The following ZNF705A variants were observed in gnomAD, a reference collection of about 807,000 sequenced individuals.
ZNF705A encodes zinc finger protein 705A.
ZNF705A carries 8 observed loss-of-function variants against 16.6 expected under a neutral mutation model. That is an observed-to-expected ratio of 0.48 (90% CI 0.28 to 0.87). The LOEUF is 0.87. Among genes scored for constraint, ZNF705A ranks in the 40% least tolerant of loss-of-function variants. The probability of loss-of-function intolerance (pLI) is 0.10; values close to 1 mark genes in which losing one functional copy is unlikely to be tolerated. For missense variants in ZNF705A, 233 were observed against 359.9 expected, an observed-to-expected ratio of 0.65 and a Z score of 2.85; for synonymous variants, 73 against 117.3, an observed-to-expected ratio of 0.62 and a Z score of 2.44.
At chr12:8,167,993 G>A (rs1333655708), upstream of ZNF705A, among the ~76,000 whole-genome samples, 2 of 152,190 alleles carry the variant, frequency 1.3e-5, no homozygotes, top group Non-Finnish European at 2.9e-5. Context: ...TTCCTTTAGG[G>A]AGAGTTTCCG....
At chr12:8,179,611 A>G (rs1948515771) in exon 5 of ZNF705A, 1 of 152,218 alleles carries the variant, frequency 6.6e-6, no homozygotes, top group South Asian at 2.1e-4. Flanking sequence ...TGACAAATCA[A>G]TATATTAAAA....
intron 4 of ZNF705A, among the ~76,000 whole-genome samples, chr12:8,176,741 C>T (rs1226882710): frequency 6.6e-6 from 1 of 152,052 alleles, no homozygotes; most frequent in African/African-American, 2.4e-5. Flanking sequence ...AGGCGTGTAG[C>T]TTTTCATCTT....
At chr12:8,166,548 C>G (rs780745166) in intron 1 of ZNF705A, among the ~76,000 whole-genome samples, 5 of 152,278 alleles carry the variant, frequency 3.3e-5, no homozygotes, top group Middle Eastern at 3.4e-3. Context: ...GTAAGACATG[C>G]CTTTTGCCTT....
At chr12:8,172,211 T>C (rs1005164344), upstream of ZNF705A, among the ~76,000 whole-genome samples, 1 of 151,680 alleles carries the variant, frequency 6.6e-6, no homozygotes, top group Non-Finnish European at 1.5e-5. Context: ...TGTTTATCTA[T>C]AGGTGGAAAT....
exon 5 of ZNF705A, chr12:8,177,469 A>G (rs769148361): frequency 2.5e-6 from 4 of 1,612,148 alleles, no homozygotes; most frequent in Non-Finnish European, 3.4e-6. Flanking sequence ...AAAGTGGGAA[A>G]GCCTTTAGTC....
At chr12:8,163,052 A>G (rs1315111988) in intron 1 of ZNF705A, among the ~76,000 whole-genome samples, 2 of 152,220 alleles carry the variant, frequency 1.3e-5, no homozygotes, top group African/African-American at 4.8e-5. Flanking sequence ...CTCTTCACCA[A>G]GTGGAACAAA....
At chr12:8,161,645 A>G (rs1260041196) in intron 1 of ZNF705A, among the ~76,000 whole-genome samples, 6 of 152,088 alleles carry the variant, frequency 3.9e-5, no homozygotes, top group Non-Finnish European at 8.8e-5. Context: ...TCCTGTTCCA[A>G]TTACCAGAAA....
chr12:8,159,756 A>G (rs1357276304), intron 1 of ZNF705A, among the ~76,000 whole-genome samples: 2 of 151,836 alleles, frequency 1.3e-5, no homozygotes, highest in Non-Finnish European at 2.9e-5. Context: ...GATTGTGAAG[A>G]TTTTCTCCCA....
At chr12:8,172,937 A>G (rs1013335497) in intron 1 of ZNF705A, among the ~76,000 whole-genome samples, 5 of 152,242 alleles carry the variant, frequency 3.3e-5, no homozygotes, top group African/African-American at 1.2e-4. Context: ...CTATTTACAA[A>G]AAAAGATATG....
exon 5 of ZNF705A, chr12:8,177,131 A>G: frequency 6.2e-7 from 1 of 1,611,858 alleles, no homozygotes. Flanking sequence ...ACAGTGTGGA[A>G]AATCTCTTCG....
intron 2 of ZNF705A, among the ~76,000 whole-genome samples, chr12:8,174,913 G>A (rs910080321): frequency 1.3e-5 from 2 of 152,114 alleles, no homozygotes; most frequent in East Asian, 3.8e-4. Flanking sequence ...TAAACACACT[G>A]TGCAGAGATT....
chr12:8,162,514 T>A (rs1241278146), intron 1 of ZNF705A, among the ~76,000 whole-genome samples: 1 of 152,044 alleles, frequency 6.6e-6, no homozygotes, highest in Non-Finnish European at 1.5e-5. Flanking sequence ...ATGTTCCAGG[T>A]CACTAGAAGA....
At chr12:8,162,677 A>G (rs1195648003) in intron 1 of ZNF705A, among the ~76,000 whole-genome samples, 1 of 152,146 alleles carries the variant, frequency 6.6e-6, no homozygotes, top group Non-Finnish European at 1.5e-5. Context: ...AGAAAAGTTA[A>G]AAGAAGTAGG....
upstream of ZNF705A, among the ~76,000 whole-genome samples, chr12:8,170,920 G>A (rs1948440418): frequency 6.6e-6 from 1 of 152,298 alleles, no homozygotes; most frequent in African/African-American, 2.4e-5. Flanking sequence ...AATGATGTTT[G>A]GGAATTGGGG....
At chr12:8,176,443 T>C (rs1325419329) in intron 4 of ZNF705A, among the ~76,000 whole-genome samples, 1 of 152,194 alleles carries the variant, frequency 6.6e-6, no homozygotes, top group Non-Finnish European at 1.5e-5. Flanking sequence ...ACAATTTTCA[T>C]GTAAAAGGTA....
chr12:8,172,692 G>A (rs1213589042), intron 1 of ZNF705A, 55 bp downstream of exon 2: 1 of 1,589,770 alleles, frequency 6.3e-7, no homozygotes, highest in African/African-American at 1.3e-5. Context: ...CTGGCAAGTG[G>A]GCATTTTTCT....
intron 1 of ZNF705A, among the ~76,000 whole-genome samples, chr12:8,160,072 G>A (rs1212504835): frequency 6.6e-6 from 1 of 152,070 alleles, no homozygotes; most frequent in Non-Finnish European, 1.5e-5. Flanking sequence ...ACCATTTGTT[G>A]AAAAGGGTGT....
chr12:8,161,070 T>A (rs925831088), intron 1 of ZNF705A, among the ~76,000 whole-genome samples: 1 of 152,232 alleles, frequency 6.6e-6, no homozygotes, highest in African/African-American at 2.4e-5. Flanking sequence ...TTTTTCTGCA[T>A]CTATTGAGAT....
In ZNF705A at chr12:8,177,552, A is replaced by G. The variant is rs778500827; in HGVS notation, c.872A>G (p.Lys291Arg). 4 of 1,612,438 alleles carry G rather than the reference A, an allele frequency of 2.5e-6. No homozygotes were observed. The South Asian group carries it at 3.3e-5, about 13-fold the overall frequency. The stretch of plus-strand genomic sequence containing the variant: ...CCACATGCTTGTCTTCTATGTGGGA[A>G]GGCCTTCAGTCTGTCTTCCGACCTT... Residue 291 changes from lysine (K) to arginine (R), a missense_variant, in exon 5 of 5, where the codon AAG (lysine) becomes AGG (arginine). Lys to Arg is a conservative substitution (Grantham distance 26). This residue lies in a region of ZNF705A where 220 missense variants were observed against 271.4 expected (regional missense o/e 0.81). Coordinates refer to ENST00000359286, the Ensembl canonical transcript of ZNF705A.
Sources: allele counts gnomAD v4.1 joint callset (sites outside exome capture counted in the v4.1 genomes callset), GRCh38; gene constraint gnomAD v4.1.1; regional missense constraint gnomAD v4.1.1; transcripts MANE v1.5; gene names NCBI Gene and HGNC (gene_info 2026-07-23, HGNC 2026-07-21).